MYO10: variants seen among roughly 807,000 people sequenced by gnomAD.
The protein encoded by MYO10 is myosin X, also known as unconventional myosin-X.
In MYO10, 133 loss-of-function variants were observed where a neutral mutation model predicts 257.3. The observed-to-expected ratio is 0.52, with a 90% CI of 0.45 to 0.60. The LOEUF (loss-of-function observed/expected upper bound fraction) is 0.60, where lower values mean the gene tolerates loss of function less well. MYO10 is among the 20% of genes least tolerant of loss of function. The pLI, the probability that MYO10 is intolerant of heterozygous loss-of-function variation, is 0.00. For synonymous variants in MYO10, 1,104 were observed against 1,028.6 expected, an observed-to-expected ratio of 1.07 and a Z score of -1.40; for missense variants, 2,399 against 2,635.7, an observed-to-expected ratio of 0.91 and a Z score of 1.97.
chr5:16,779,737 A>G (rs1237358896), intron 8 of MYO10, 89 bp from the exon 9 acceptor site: 3 of 725,554 alleles, frequency 4.1e-6, no homozygotes, highest in African/African-American at 1.8e-5. Flanking sequence ...GTATATATAT[A>G]TAATTCTGTG....
chr5:16,823,468 ATTTT>A (rs1173952251), intron 2 of MYO10, among the ~76,000 whole-genome samples: 1 of 6,448 alleles, frequency 1.6e-4, no homozygotes. Context: ...GGGAGTGGGG[ATTTT>A]TTTTTTTTTT....
intron 1 of MYO10, among the ~76,000 whole-genome samples, chr5:16,890,523 G>A (rs867156993): frequency 6.6e-6 from 1 of 151,516 alleles, no homozygotes; most frequent in African/African-American, 2.4e-5. Flanking sequence ...TTTTTAATGT[G>A]GTCTATTCAT....
rs370880836 is a variant in MYO10, at chr5:16,670,679, G to C, written c.5730C>G (p.Asp1910Glu). The change falls in exon 39 of 41, where the codon GAC (aspartate) becomes GAG (glutamate). Residue 1910 changes from aspartate to glutamate, a missense_variant. By Grantham distance (45) the Asp-to-Glu change is conservative. Transcript: ENST00000513610. ...RQKVEEEQMLDMWIKEEVSSA... is the reference protein window; with the variant it reads ...RQKVEEEQMLEMWIKEEVSSA... The stretch of plus-strand genomic sequence containing the variant: ...AGGAGACTTCTTCCTTAATCCACAT[G>C]TCCAGCATCTGCTCCTCCTCGACCT... The C allele has an allele frequency of 1.9e-5, 31 of 1,614,004 alleles. No individual in the cohort carries two copies. The East Asian group carries it at 6.7e-4, about 35-fold the overall frequency.
intron 2 of MYO10, among the ~76,000 whole-genome samples, chr5:16,861,750 A>G (rs1744115227): frequency 6.6e-6 from 1 of 152,100 alleles, no homozygotes; most frequent in Non-Finnish European, 1.5e-5. Context: ...AAAGACACCA[A>G]CTCCCATTAC....
chr5:16,805,374 A>G (rs1391434088), intron 3 of MYO10, among the ~76,000 whole-genome samples: 1 of 148,482 alleles, frequency 6.7e-6, no homozygotes, highest in African/African-American at 2.5e-5. Context: ...AGGCAGGAGA[A>G]TCGCTTGAAC....
At chr5:16,712,511 T>G (rs1217859574) in intron 19 of MYO10, among the ~76,000 whole-genome samples, 2 of 152,138 alleles carry the variant, frequency 1.3e-5, no homozygotes, top group African/African-American at 4.8e-5. Context: ...GACAAAAAAA[T>G]AGTGCCATAG....
intron 19 of MYO10, among the ~76,000 whole-genome samples, chr5:16,721,462 G>A (rs1739148799): frequency 1.8e-5 from 1 of 54,166 alleles, no homozygotes; most frequent in Non-Finnish European, 4.3e-5. Context: ...TTTCACTCCG[G>A]GGCTGTTAAA....
At chr5:16,832,000 T>C (rs990532465) in intron 2 of MYO10, among the ~76,000 whole-genome samples, 5 of 152,202 alleles carry the variant, frequency 3.3e-5, no homozygotes, top group African/African-American at 1.2e-4. Context: ...TGGAGTGCAG[T>C]GGAGCAATCT....
intron 9 of MYO10, among the ~76,000 whole-genome samples, chr5:16,778,664 A>T (rs1246586947): frequency 6.8e-6 from 1 of 147,544 alleles, no homozygotes; most frequent in Non-Finnish European, 1.5e-5. Flanking sequence ...GCCTGTTAGC[A>T]GGAACACCTC....
In MYO10 at chr5:16,779,622, T is replaced by G. The variant is rs1741338714; in HGVS notation, c.853A>C (p.Asn285His). 6.2e-7 allele frequency: 1 copy of G among 1,605,132 alleles called. No individual in the cohort carries two copies. The highest frequency in any genetic ancestry group is 8.5e-7 in the Non-Finnish European group (1 of 1,176,736). ...REEFYLSTPE[N>H]YHYLNQSGCV... ...CCAGACTGATTCAAGTAGTGGTAGT[T>G]TTCTGGCGTAGATAAATAAAATTCT... Residue 285 changes from asparagine (N) to histidine (H), a missense_variant, in exon 9 of 41, where the codon AAC (asparagine) becomes CAC (histidine). This residue lies in a region of MYO10 where 337 missense variants were observed against 446.8 expected (regional missense o/e 0.75). Transcript: ENST00000513610.
In MYO10 at chr5:16,763,354, G is replaced by A. The variant is rs897190403; in HGVS notation, c.1494+127C>T. On this transcript the variant is annotated intron_variant, in intron 14 of 40. Coordinates refer to ENST00000513610, the MANE Select transcript of MYO10 (RefSeq NM_012334.3). ...ACATTTACATTTATGTTTCCAAATG[G>A]TCCATTGTGTTCTAAACATTCACAT... The A allele has an allele frequency of 4.0e-6, 3 of 744,716 alleles. No homozygotes were observed. The African/African-American group carries it at 5.2e-5, about 13-fold the overall frequency. 46.1% of individuals were successfully genotyped at this position (744,716 alleles called of 1,614,324 possible).
At chr5:16,802,945 A>G (rs567139429) in intron 3 of MYO10, among the ~76,000 whole-genome samples, 8 of 151,364 alleles carry the variant, frequency 5.3e-5, no homozygotes, top group African/African-American at 1.7e-4. Context: ...CTCTCAAAAA[A>G]AAAAAAAAAT....
chr5:16,757,819 C>T (rs115328342), intron 18 of MYO10, among the ~76,000 whole-genome samples: 5,406 of 152,198 alleles, frequency 0.036, 185 homozygotes, highest in Non-Finnish European at 0.041. Context: ...CATGCGCCAC[C>T]GCACCCAGAT....
intron 9 of MYO10, among the ~76,000 whole-genome samples, chr5:16,777,764 A>G (rs1741262390): frequency 6.6e-6 from 1 of 151,556 alleles, no homozygotes; most frequent in African/African-American, 2.4e-5. Context: ...CATAACAGTA[A>G]GTGCTCACTA....
At chr5:16,803,145 G>A (rs572300026) in intron 3 of MYO10, among the ~76,000 whole-genome samples, 23 of 151,926 alleles carry the variant, frequency 1.5e-4, no homozygotes, top group African/African-American at 5.6e-4. Flanking sequence ...TTAAAAAAAG[G>A]CCAGGCCTGA....
chr5:16,670,701 A>C lies in MYO10; in HGVS notation c.5708T>G (p.Val1903Gly), dbSNP rs542821073. 13 of 1,613,818 alleles carry C rather than the reference A, an allele frequency of 8.1e-6. No homozygotes were observed. In the East Asian group the frequency reaches 2.5e-4, roughly 30 times the overall value. ...CATGTCCAGCATCTGCTCCTCCTCG[A>C]CCTTCTGCCGGACCACGGATCCTGT... Reference protein sequence around the residue: ...FRTGSVVRQKVEEEQMLDMWI... With the variant: ...FRTGSVVRQKGEEEQMLDMWI... The change falls in exon 39 of 41, where the codon GTC becomes GGC. Residue 1903 changes from valine (V) to glycine (G), a missense_variant. Physicochemically the swap from Val to Gly is moderately radical, Grantham distance 109. Around this residue, in one of 3 missense-constraint regions of MYO10, gnomAD observed 1,820 missense variants for 1,939.4 expected, o/e 0.94. Transcript: ENST00000513610.
chr5:16,685,715 C>CAA, intron 29 of MYO10, 23 bp downstream of exon 29: 1 of 1,551,928 alleles, frequency 6.4e-7, no homozygotes, highest in Non-Finnish European at 8.8e-7. Flanking sequence ...GCCCCACCCC[C>CAA]ATCCCACACA....
At chr5:16,794,577 C>G (rs1741872900) in intron 4 of MYO10, 69 bp downstream of exon 4, 1 of 1,421,200 alleles carries the variant, frequency 7.0e-7, no homozygotes, top group Non-Finnish European at 9.4e-7. Flanking sequence ...CCTAAGGAGG[C>G]TGGGGTTGGG....
intron 28 of MYO10, among the ~76,000 whole-genome samples, chr5:16,687,480 G>A (rs1217898625): frequency 6.6e-6 from 1 of 151,166 alleles, no homozygotes; most frequent in Non-Finnish European, 1.5e-5. Context: ...AGAGACGCTA[G>A]GGTATCCTTC....
Sources: gnomAD v4.1 joint callset for allele counts (sites outside exome capture counted in the v4.1 genomes callset) on GRCh38, gnomAD v4.1.1 for gene constraint, gnomAD v4.1.1 regional missense constraint, MANE v1.5 for transcripts, NCBI Gene and HGNC (gene_info 2026-07-23, HGNC 2026-07-21) for gene names.